Variants in PTPRD observed in about 807,000 individuals in gnomAD.
PTPRD encodes protein tyrosine phosphatase receptor type D, also known as receptor-type tyrosine-protein phosphatase delta.
In PTPRD, 34 loss-of-function variants were observed where a neutral mutation model predicts 214.5. That is an observed-to-expected ratio of 0.16 (90% confidence interval 0.12 to 0.21). PTPRD has a LOEUF of 0.21. PTPRD is among the 10% of genes least tolerant of loss of function. The probability of loss-of-function intolerance (pLI) is 1.00; values close to 1 mark genes in which losing one functional copy is unlikely to be tolerated. For synonymous variants in PTPRD, 1,128 were observed against 845.7 expected, an observed-to-expected ratio of 1.33 and a Z score of -5.79; for missense variants, 2,545 against 2,398.7, an observed-to-expected ratio of 1.06 and a Z score of -1.27.
chr9:10,083,909 C>G (rs978313258), intron 3 of PTPRD, among the ~76,000 whole-genome samples: 1 of 152,014 alleles, frequency 6.6e-6, no homozygotes, highest in Admixed American at 6.6e-5. Flanking sequence ...CAGTTCCTAA[C>G]AGACCAGTCC....
chr9:8,976,075 G>A (rs544526205), intron 11 of PTPRD, among the ~76,000 whole-genome samples: 3 of 152,088 alleles, frequency 2.0e-5, no homozygotes, highest in African/African-American at 7.2e-5. Flanking sequence ...ATACAACTAA[G>A]TATTTTTCTG....
chr9:9,475,102 T>A (rs1037997412), intron 8 of PTPRD, among the ~76,000 whole-genome samples: 1 of 152,216 alleles, frequency 6.6e-6, no homozygotes, highest in East Asian at 1.9e-4. Context: ...TACTACCAAC[T>A]GAAGTCAGGC....
intron 14 of PTPRD, among the ~76,000 whole-genome samples, chr9:8,541,592 C>T (rs1341163932): frequency 1.3e-5 from 2 of 152,122 alleles, no homozygotes; most frequent in Non-Finnish European, 2.9e-5. Context: ...TCTCAAACTC[C>T]TCCTGGGTTC....
chr9:8,984,275 T>C (rs2099328583), intron 11 of PTPRD, among the ~76,000 whole-genome samples: 1 of 152,090 alleles, frequency 6.6e-6, no homozygotes, highest in Non-Finnish European at 1.5e-5. Context: ...GTACAATTAC[T>C]GGCATTTAAT....
At chr9:9,892,734 A>G (rs750736586) in intron 5 of PTPRD, among the ~76,000 whole-genome samples, 3 of 145,766 alleles carry the variant, frequency 2.1e-5, no homozygotes, top group Non-Finnish European at 4.5e-5. Context: ...AGCCCATTAT[A>G]ATAACGAGGT....
chr9:8,347,800 GA>G (rs1164036017), intron 39 of PTPRD, among the ~76,000 whole-genome samples: 1 of 152,152 alleles, frequency 6.6e-6, no homozygotes, highest in Non-Finnish European at 1.5e-5. Context: ...AAGGCCGTGT[GA>G]CGGCACAGTG....
At chr9:9,979,570 A>C (rs1208563099) in intron 4 of PTPRD, among the ~76,000 whole-genome samples, 1 of 152,178 alleles carries the variant, frequency 6.6e-6, no homozygotes, top group Non-Finnish European at 1.5e-5. Flanking sequence ...ATGGAATTGT[A>C]ACATATAAGT....
chr9:10,281,416 C>G (rs888325143), intron 3 of PTPRD, among the ~76,000 whole-genome samples: 10 of 149,160 alleles, frequency 6.7e-5, no homozygotes, highest in Non-Finnish European at 1.3e-4. Context: ...AGCCAGCATT[C>G]TATTCATGCT....
intron 4 of PTPRD, among the ~76,000 whole-genome samples, chr9:9,967,987 C>T (rs567869159): frequency 1.3e-5 from 2 of 152,172 alleles, no homozygotes; most frequent in East Asian, 3.9e-4. Flanking sequence ...ATTAGAGAAG[C>T]TTTTGTATAA....
chr9:9,503,235 T>G (rs574346128), intron 8 of PTPRD, among the ~76,000 whole-genome samples: 9 of 151,666 alleles, frequency 5.9e-5, no homozygotes, highest in Non-Finnish European at 1.0e-4. Flanking sequence ...ATGTTACCAT[T>G]GGATTTTTAA....
intron 3 of PTPRD, among the ~76,000 whole-genome samples, chr9:10,327,693 T>C (rs756503885): frequency 2.0e-5 from 3 of 151,854 alleles, no homozygotes; most frequent in Admixed American, 6.6e-5. Flanking sequence ...GAAGTGCTAT[T>C]TGAAACTATT....
At chr9:9,308,451 G>A (rs1398998380) in intron 9 of PTPRD, among the ~76,000 whole-genome samples, 1 of 152,140 alleles carries the variant, frequency 6.6e-6, no homozygotes, top group East Asian at 1.9e-4. Flanking sequence ...TTAATATCAT[G>A]TTACTTATTG....
chr9:8,619,300 T>C (rs924304489), intron 14 of PTPRD, among the ~76,000 whole-genome samples: 4 of 151,896 alleles, frequency 2.6e-5, no homozygotes, highest in African/African-American at 9.7e-5. Flanking sequence ...TTAAACTTAC[T>C]CCTCCTAACT....
At chr9:9,732,615 T>A (rs900746924) in intron 7 of PTPRD, among the ~76,000 whole-genome samples, 17 of 152,076 alleles carry the variant, frequency 1.1e-4, no homozygotes, top group Non-Finnish European at 4.4e-5. Context: ...CCTCTAGGAT[T>A]TGTTATGATG....
chr9:8,894,930 G>A (rs2098595997), intron 11 of PTPRD, among the ~76,000 whole-genome samples: 1 of 152,198 alleles, frequency 6.6e-6, no homozygotes. Context: ...AGCCCAGAGA[G>A]CCCAAGAGAT....
chr9:9,081,731 T>C (rs1012390091), intron 10 of PTPRD, among the ~76,000 whole-genome samples: 3 of 152,100 alleles, frequency 2.0e-5, no homozygotes, highest in Non-Finnish European at 2.9e-5. Context: ...GTTGCAATGA[T>C]TCCTTTACCA....
chr9:10,248,257 GT>G (rs1014998408), intron 3 of PTPRD, among the ~76,000 whole-genome samples: 5 of 152,030 alleles, frequency 3.3e-5, no homozygotes, highest in African/African-American at 1.2e-4. Context: ...CTCAGTCAAC[GT>G]TTTTTGGGGT....
At chr9:10,218,492 A>G (rs776732000) in intron 3 of PTPRD, among the ~76,000 whole-genome samples, 1 of 151,920 alleles carries the variant, frequency 6.6e-6, no homozygotes, top group Non-Finnish European at 1.5e-5. Flanking sequence ...TTAGGCAGTG[A>G]ATTTGATAAA....
intron 10 of PTPRD, among the ~76,000 whole-genome samples, chr9:9,114,757 G>A (rs2099810666): frequency 6.6e-6 from 1 of 152,074 alleles, no homozygotes; most frequent in Non-Finnish European, 1.5e-5. Context: ...TAGTTAAGCA[G>A]ATGGCCGGCA....
Sources: allele counts gnomAD v4.1 joint callset (sites outside exome capture counted in the v4.1 genomes callset), GRCh38; gene constraint gnomAD v4.1.1; transcripts MANE v1.5; gene names NCBI Gene and HGNC (gene_info 2026-07-23, HGNC 2026-07-21).